Variants in RBFOX3 observed in about 807,000 individuals in gnomAD.
RBFOX3 encodes RNA binding protein fox-1 homolog 3.
In RBFOX3, 17 loss-of-function variants were observed where a neutral mutation model predicts 48.7. That is an observed-to-expected ratio of 0.35 (90% confidence interval 0.24 to 0.52). RBFOX3 has a LOEUF of 0.52. RBFOX3 is among the 20% of genes least tolerant of loss of function. RBFOX3 has a pLI of 0.94. For synonymous variants in RBFOX3, 212 were observed against 209.5 expected, an observed-to-expected ratio of 1.01 and a Z score of -0.10; for missense variants, 382 against 497.5, an observed-to-expected ratio of 0.77 and a Z score of 2.21.
chr17:79,555,488 T>C (rs1293991541), intron 1 of RBFOX3, among the ~76,000 whole-genome samples: 1 of 140,384 alleles, frequency 7.1e-6, no homozygotes, highest in African/African-American at 3.1e-5. Context: ...ATGGTGGTGA[T>C]GACAGTGGTG....
chr17:79,519,325 T>C (rs1308995058), intron 1 of RBFOX3, among the ~76,000 whole-genome samples: 1 of 152,224 alleles, frequency 6.6e-6, no homozygotes, highest in African/African-American at 2.4e-5. Flanking sequence ...GCAAGAGACC[T>C]GCCAGTGACG....
intron 4 of RBFOX3, among the ~76,000 whole-genome samples, chr17:79,154,151 T>G (rs1267226552): frequency 7.5e-6 from 1 of 132,608 alleles, no homozygotes; most frequent in Non-Finnish European, 1.6e-5. Context: ...CCCACCTGGC[T>G]GGCTCCAGCC....
chr17:79,092,704 A>G (rs1340049614), intron 14 of RBFOX3: 3 of 836,620 alleles, frequency 3.6e-6, no homozygotes, highest in Non-Finnish European at 4.2e-6. Flanking sequence ...GGAAAAAGCA[A>G]AAAGAAAAAA....
chr17:79,262,256 C>T (rs2065912474), intron 3 of RBFOX3, among the ~76,000 whole-genome samples: 2 of 152,210 alleles, frequency 1.3e-5, no homozygotes, highest in Non-Finnish European at 2.9e-5. Flanking sequence ...TCCCACAAGC[C>T]CAGAGCTCTG....
chr17:79,624,712 T>C, the RBFOX3 span, among the ~76,000 whole-genome samples: 2 of 152,168 alleles, frequency 1.3e-5, no homozygotes, highest in African/African-American at 2.4e-5. Context: ...GTAAGGGCCC[T>C]GCCGACCCTC....
intron 1 of RBFOX3, among the ~76,000 whole-genome samples, chr17:79,588,665 G>A (rs1472092135): frequency 1.3e-5 from 2 of 152,268 alleles, no homozygotes; most frequent in Admixed American, 1.3e-4. Context: ...CCTGTCCTGA[G>A]CTTGGACCTG....
chr17:79,585,020 C>T (rs1230436380), intron 1 of RBFOX3, among the ~76,000 whole-genome samples: 12 of 151,998 alleles, frequency 7.9e-5, no homozygotes, highest in Admixed American at 7.2e-4. Context: ...CCGCCTCAGC[C>T]TCCCAAAGCG....
At chr17:79,246,605 C>T (rs780289178) in intron 3 of RBFOX3, among the ~76,000 whole-genome samples, 87 of 152,234 alleles carry the variant, frequency 5.7e-4, no homozygotes, top group Non-Finnish European at 1.0e-3. Flanking sequence ...CTGCACCTGT[C>T]CCCCTGCTCC....
At chr17:79,452,689 C>A (rs2073755085) in intron 2 of RBFOX3, among the ~76,000 whole-genome samples, 1 of 152,112 alleles carries the variant, frequency 6.6e-6, no homozygotes, top group Admixed American at 6.5e-5. Flanking sequence ...GGGAGGGGAC[C>A]ACTGGGAGAG....
intron 4 of RBFOX3, among the ~76,000 whole-genome samples, chr17:79,116,806 G>A (rs1186276994): frequency 6.6e-6 from 1 of 152,242 alleles, no homozygotes; most frequent in Non-Finnish European, 1.5e-5. Context: ...GAGGCTCTTA[G>A]AAGCCCAGGC....
At chr17:79,348,653 T>C (rs2083329845) in intron 2 of RBFOX3, among the ~76,000 whole-genome samples, 2 of 134,918 alleles carry the variant, frequency 1.5e-5, no homozygotes, top group African/African-American at 5.5e-5. Flanking sequence ...CCATCTCGGC[T>C]CACTGCAACC....
intron 1 of RBFOX3, among the ~76,000 whole-genome samples, chr17:79,605,707 T>C (rs1186109010): frequency 3.3e-5 from 5 of 152,238 alleles, no homozygotes; most frequent in African/African-American, 1.2e-4. Context: ...CTGCTGGGAA[T>C]ATGTTCTGAG....
At chr17:79,611,130 T>TCTCTCTCTCTCTCTCTC (rs1491548376), upstream of RBFOX3, among the ~76,000 whole-genome samples, 1,100 of 37,806 alleles carry the variant, frequency 0.029, 493 homozygotes, top group East Asian at 0.05. Context: ...TCCGCCCTCC[T>TCTCTCTCTCTCTCTCTC]TCTCTCTCTC....
chr17:79,521,495 C>T (rs1387620059), intron 1 of RBFOX3, among the ~76,000 whole-genome samples: 14 of 152,096 alleles, frequency 9.2e-5, no homozygotes, highest in South Asian at 6.2e-4. Context: ...CACACACACA[C>T]GCAGATATAT....
At chr17:79,296,066 A>G (rs1213315145) in intron 3 of RBFOX3, among the ~76,000 whole-genome samples, 1 of 151,980 alleles carries the variant, frequency 6.6e-6, no homozygotes. Flanking sequence ...GGGATAGAAG[A>G]GGGCAGGGGA....
intron 1 of RBFOX3, among the ~76,000 whole-genome samples, chr17:79,575,571 G>A (rs1056356826): frequency 1.2e-3 from 180 of 152,308 alleles, no homozygotes; most frequent in African/African-American, 4.1e-3. Flanking sequence ...TAGAGAAACC[G>A]GTTGGAGGGA....
intron 2 of RBFOX3, among the ~76,000 whole-genome samples, chr17:79,370,161 C>T (rs1218654363): frequency 2.0e-5 from 3 of 152,354 alleles, no homozygotes; most frequent in Non-Finnish European, 2.9e-5. Context: ...CAGGAGCCAA[C>T]GCTCACAGAG....
chr17:79,276,164 G>A (rs1275854211), intron 3 of RBFOX3, among the ~76,000 whole-genome samples: 2 of 152,218 alleles, frequency 1.3e-5, no homozygotes, highest in South Asian at 2.1e-4. Flanking sequence ...CACGTCTGGA[G>A]CAGAGCCATC....
rs544969274 is a variant in RBFOX3, at chr17:79,499,227, T to C, written c.-319-16629A>G. On this transcript the variant is annotated intron_variant, in intron 1 of 14. Transcript: ENST00000693108. ...ATACATATACCTACTCATATATCCATTCATCCATCCATTCACATATCCATT... is the reference window on the plus strand; with the variant it reads ...ATACATATACCTACTCATATATCCACTCATCCATCCATTCACATATCCATT... Among the ~76,000 whole-genome samples, 13 of 150,298 alleles carry C rather than the reference T, an allele frequency of 8.6e-5. No individual in the cohort carries two copies. The East Asian group carries it at 2.7e-3, about 31-fold the overall frequency.
Sources: gnomAD v4.1 joint callset for allele counts (sites outside exome capture counted in the v4.1 genomes callset) on GRCh38, gnomAD v4.1.1 for gene constraint, MANE v1.5 for transcripts, NCBI Gene and HGNC (gene_info 2026-07-23, HGNC 2026-07-21) for gene names.